The following RASGEF1C variants were observed in gnomAD, a reference collection of about 807,000 sequenced individuals.
RASGEF1C encodes RasGEF domain family member 1C.
A neutral mutation model predicts 58.1 loss-of-function variants in RASGEF1C; 27 were observed. The observed-to-expected ratio is 0.46, with a 90% confidence interval of 0.34 to 0.64. RASGEF1C has a LOEUF of 0.64. RASGEF1C is among the 30% of genes least tolerant of loss of function. The probability of loss-of-function intolerance (pLI) is 0.01; values close to 1 mark genes in which losing one functional copy is unlikely to be tolerated. For synonymous variants in RASGEF1C, 243 were observed against 246.3 expected (o/e 0.99, Z 0.13); for missense variants, 502 against 605.1 (o/e 0.83, Z 1.79).
rs1380794597 is a variant in RASGEF1C at position 180,177,452 on chromosome 5, G to A, written c.-7+31576C>T. ...GCCCGGCTGGGCCGCAGCAGTCCAC[G>A]GGCAGGGCAGAGCCCCGGGCTTCCT... On this transcript the variant is annotated intron_variant, in intron 1 of 13. Transcript: ENST00000361132. The surrounding 1 kb of genome is among the most constrained non-coding windows in gnomAD (Gnocchi z 5.0). Among the ~76,000 whole-genome samples, 3 of 152,348 alleles carry A rather than the reference G, an allele frequency of 2.0e-5. No homozygotes were observed. Among genetic ancestry groups the A allele is most frequent in the Admixed American group, 6.5e-5 (1 of 15,300 alleles).
At chr5:180,165,171 G>A (rs976007248) in intron 1 of RASGEF1C, among the ~76,000 whole-genome samples, 1 of 151,472 alleles carries the variant, frequency 6.6e-6, no homozygotes, top group Non-Finnish European at 1.5e-5. Context: ...TTTGAAATGA[G>A]TTTCTTTTTG....
intron 13 of RASGEF1C, among the ~76,000 whole-genome samples, chr5:180,101,795 T>C (rs1397102269): frequency 6.6e-6 from 1 of 152,232 alleles, no homozygotes; most frequent in Non-Finnish European, 1.5e-5. Context: ...TGGGAGTCCC[T>C]GTCCCTGGGA....
chr5:180,200,137 G>A (rs903883452), intron 1 of RASGEF1C, among the ~76,000 whole-genome samples: 1 of 151,776 alleles, frequency 6.6e-6, no homozygotes. Flanking sequence ...GCATGTGCCT[G>A]TAATTCCAGC....
In RASGEF1C at chr5:180,185,160, C is replaced by T. The variant is rs1361297049; in HGVS notation, c.-7+23868G>A. 4.0e-5 allele frequency among the ~76,000 whole-genome samples: 6 copies of T among 151,794 alleles called. No individual in the cohort carries two copies. The South Asian group carries it at 6.3e-4, about 16-fold the overall frequency. On this transcript the variant is annotated intron_variant, in intron 1 of 13. Coordinates refer to ENST00000361132, the MANE Select transcript of RASGEF1C (RefSeq NM_175062.4). ...ACAAAAAATTAGCCGGGTGTAGTGG[C>T]GGGCACCTGTAGTCCCAGCTACTTG...
At chr5:180,112,405 G>A (rs992753191) in intron 11 of RASGEF1C, among the ~76,000 whole-genome samples, 1 of 152,224 alleles carries the variant, frequency 6.6e-6, no homozygotes, top group Non-Finnish European at 1.5e-5. Flanking sequence ...GTTCCCAGCT[G>A]CAGGGGACAC....
chr5:180,164,924 C>T (rs1766995722), intron 1 of RASGEF1C, among the ~76,000 whole-genome samples: 1 of 152,160 alleles, frequency 6.6e-6, no homozygotes. Flanking sequence ...GTCCGTTTTG[C>T]TTCATGTATT....
At chr5:180,160,116 G>A (rs2113300052) in intron 1 of RASGEF1C, among the ~76,000 whole-genome samples, 1 of 152,352 alleles carries the variant, frequency 6.6e-6, no homozygotes, top group Admixed American at 6.5e-5. Context: ...CCAGTGGAAA[G>A]GTCTCTCTGG....
intron 1 of RASGEF1C, among the ~76,000 whole-genome samples, chr5:180,196,582 C>T (rs558221832): frequency 4.4e-4 from 66 of 151,698 alleles, no homozygotes; most frequent in South Asian, 8.4e-4. Context: ...TGGTAAGTTA[C>T]GTCTTTTGGG....
intron 4 of RASGEF1C, among the ~76,000 whole-genome samples, chr5:180,133,783 T>C (rs1766409002): frequency 6.6e-6 from 1 of 152,028 alleles, no homozygotes; most frequent in African/African-American, 2.4e-5. Flanking sequence ...TCTTCACTTT[T>C]GTATGTTTGA....
chr5:180,171,141 C>T (rs370648537), intron 1 of RASGEF1C, among the ~76,000 whole-genome samples: 2 of 152,114 alleles, frequency 1.3e-5, no homozygotes, highest in East Asian at 1.9e-4. Context: ...GTGGGACCCC[C>T]GAGGGCTTCA....
chr5:180,195,675 T>C (rs142595784), intron 1 of RASGEF1C, among the ~76,000 whole-genome samples: 4 of 150,618 alleles, frequency 2.7e-5, no homozygotes, highest in Non-Finnish European at 4.4e-5. Context: ...GGCAGGAGAA[T>C]GGCGTGAACC....
intron 1 of RASGEF1C, among the ~76,000 whole-genome samples, chr5:180,195,677 G>T (rs1756259351): frequency 6.6e-6 from 1 of 152,146 alleles, no homozygotes; most frequent in South Asian, 2.1e-4. Flanking sequence ...CAGGAGAATG[G>T]CGTGAACCCG....
Position 180,105,364 on chromosome 5 carries a change from C to G in RASGEF1C, c.1304-3221G>C, listed in dbSNP as rs1460053060. On this transcript the variant is annotated intron_variant, in intron 12 of 13. Transcript: ENST00000361132. ...GATCACGAGGTCAGGAGATGGAGAC[C>G]ATCCTGGCTAACACGGTGAAACCCC... 2.0e-5 allele frequency among the ~76,000 whole-genome samples: 3 copies of G among 150,200 alleles called. No homozygotes were observed. The East Asian group carries it at 6.0e-4, about 30-fold the overall frequency.
At chr5:180,128,357 C>CTG in intron 5 of RASGEF1C, 53 bp downstream of exon 5, 2 of 1,505,830 alleles carry the variant, frequency 1.3e-6, no homozygotes, top group South Asian at 1.1e-5. Flanking sequence ...CACAGTGTAT[C>CTG]TGTGTGTGTC....
intron 1 of RASGEF1C, among the ~76,000 whole-genome samples, chr5:180,196,055 C>T (rs1391331371): frequency 6.6e-6 from 1 of 152,190 alleles, no homozygotes; most frequent in Non-Finnish European, 1.5e-5. Context: ...TGCATACTTA[C>T]CATTTTTTTG....
In RASGEF1C at chr5:180,134,420, C is replaced by T. The variant is rs139623532; in HGVS notation, c.438+1958G>A. Among the ~76,000 whole-genome samples, 1,280 of 152,008 alleles carry T rather than the reference C, an allele frequency of 8.4e-3. 17 individuals carry two copies. Among genetic ancestry groups the T allele is most frequent in the African/African-American group, 0.029 (1,215 of 41,416 alleles). ...CCCCACCACCAAGACATGGCTCCAA[C>T]ATCGGGCAGGACAAATCTGCCTGGT... On this transcript the variant is annotated intron_variant, in intron 4 of 13. Coordinates refer to ENST00000361132, the MANE Select transcript of RASGEF1C (RefSeq NM_175062.4).
At chr5:180,208,724 A>G (rs947485772) in intron 1 of RASGEF1C, among the ~76,000 whole-genome samples, 2 of 151,842 alleles carry the variant, frequency 1.3e-5, no homozygotes, top group Non-Finnish European at 2.9e-5. Flanking sequence ...TCTTCCTGCC[A>G]CTCTAGCGGC....
chr5:180,183,361 A>G (rs1400951455), intron 1 of RASGEF1C, among the ~76,000 whole-genome samples: 1 of 152,242 alleles, frequency 6.6e-6, no homozygotes, highest in Non-Finnish European at 1.5e-5. Context: ...GGGTAGCAAC[A>G]GAAAAGTAAT....
chr5:180,190,622 C>G (rs188634617), intron 1 of RASGEF1C, among the ~76,000 whole-genome samples: 1 of 150,478 alleles, frequency 6.6e-6, no homozygotes, highest in African/African-American at 2.4e-5. Flanking sequence ...GAGCTGTGAT[C>G]GCACCACTGC....
Sources: gnomAD v4.1 joint callset for allele counts (sites outside exome capture counted in the v4.1 genomes callset) on GRCh38, gnomAD v4.1.1 for gene constraint, Gnocchi (gnomAD v3.1) non-coding constraint, MANE v1.5 for transcripts, NCBI Gene and HGNC (gene_info 2026-07-23, HGNC 2026-07-21) for gene names.